The following ZNF626 variants were observed in gnomAD, a reference collection of about 807,000 sequenced individuals.
The protein encoded by ZNF626 is zinc finger protein 626.
A neutral mutation model predicts 11.7 loss-of-function variants in ZNF626; 4 were observed. The observed-to-expected ratio is 0.34, with a 90% confidence interval of 0.17 to 0.78. The LOEUF (loss-of-function observed/expected upper bound fraction) is 0.78, where lower values mean the gene tolerates loss of function less well. Ranked by LOEUF, ZNF626 falls within the 30% of genes least tolerant of loss-of-function variation. ZNF626 has a pLI of 0.57. For synonymous variants in ZNF626, 179 were observed against 198.6 expected, an observed-to-expected ratio of 0.90 and a Z score of 0.83; for missense variants, 588 against 587.1, an observed-to-expected ratio of 1.00 and a Z score of -0.01.
chr19:20,620,456 A>C lies in ZNF626; in HGVS notation c.*3834T>G, dbSNP rs1969744608. The C allele has an allele frequency of 1.3e-5, 2 of 152,216 alleles. No individual in the cohort carries two copies. 9.4% of individuals were successfully genotyped at this position (152,216 alleles called of 1,614,324 possible). On this transcript the variant is annotated 3_prime_UTR_variant, in exon 4 of 4. Coordinates refer to ENST00000601440, the MANE Select transcript of ZNF626 (RefSeq NM_001076675.3). The stretch of plus-strand genomic sequence containing the variant: ...GAGGAATATGTGTATATTTCACTCT[A>C]TGAAAATTAAAAGTCTTTACGTTTG...
chr19:20,646,299 T>C lies in ZNF626; in HGVS notation c.110A>G (p.Tyr37Cys). ...NLYRNVMLENYSNLVFLGITV... is the reference protein window; with the variant it reads ...NLYRNVMLENCSNLVFLGITV... ...CTCACCAAGGAAGACCAGGTTACTG[T>C]AGTTCTCTAACATCACATTCCTATA... Residue 37 changes from tyrosine (Y) to cysteine (C), a missense_variant, in exon 2 of 4, where the codon TAC (tyrosine) becomes TGC (cysteine). This residue lies in a region of ZNF626 where 524 missense variants were observed against 470.1 expected (regional missense o/e 1.11). Coordinates refer to ENST00000601440, the MANE Select transcript of ZNF626 (RefSeq NM_001076675.3). 5 of 1,614,036 alleles carry C rather than the reference T, an allele frequency of 3.1e-6. No homozygotes were observed. The East Asian group carries it at 6.7e-5, about 22-fold the overall frequency.
At chr19:20,658,349 C>G (rs1970227826) in intron 1 of ZNF626, among the ~76,000 whole-genome samples, 1 of 152,052 alleles carries the variant, frequency 6.6e-6, no homozygotes, top group African/African-American at 2.4e-5. Context: ...CTTTTGGGTT[C>G]TTGGCAAGAA....
intron 3 of ZNF626, among the ~76,000 whole-genome samples, chr19:20,640,634 A>G (rs1970014261): frequency 6.7e-6 from 1 of 149,372 alleles, no homozygotes; most frequent in African/African-American, 2.5e-5. Flanking sequence ...AAGGACACAG[A>G]AAATTACTAG....
chr19:20,656,074 A>G (rs1970202071), intron 1 of ZNF626, among the ~76,000 whole-genome samples: 1 of 152,138 alleles, frequency 6.6e-6, no homozygotes, highest in Admixed American at 6.6e-5. Context: ...AGAGAGAAAG[A>G]TATATGAAAT....
intron 3 of ZNF626, among the ~76,000 whole-genome samples, chr19:20,637,616 A>G (rs1969980505): frequency 6.6e-6 from 1 of 152,116 alleles, no homozygotes; most frequent in Non-Finnish European, 1.5e-5. Flanking sequence ...ATTAAAACAT[A>G]TTGTTTTAAC....
chr19:20,632,589 A>C (rs1283701990), intron 3 of ZNF626, among the ~76,000 whole-genome samples: 1 of 152,140 alleles, frequency 6.6e-6, no homozygotes, highest in Admixed American at 6.5e-5. Context: ...TCGGCTACAG[A>C]GGCTTCTGCA....
chr19:20,660,023 C>T (rs1337136507), intron 1 of ZNF626, among the ~76,000 whole-genome samples: 1 of 152,006 alleles, frequency 6.6e-6, no homozygotes, highest in Non-Finnish European at 1.5e-5. Flanking sequence ...AATGCCAGCA[C>T]TTTGGGAGGC....
rs542189840 is a variant in ZNF626, at chr19:20,632,497, T to C, written c.227-6847A>G. Among the ~76,000 whole-genome samples the C allele has an allele frequency of 1.0e-3, 157 of 152,304 alleles. 1 individual carries two copies. The highest frequency in any genetic ancestry group is 3.6e-3 in the African/African-American group (151 of 41,566). The stretch of plus-strand genomic sequence containing the variant: ...AGGCTTTGTTCGTTTCTTTTTATTC[T>C]TTTTTCTCTAAACTTCTCTTCTCGC... On this transcript the variant is annotated intron_variant, in intron 3 of 3. Coordinates refer to ENST00000601440, the MANE Select transcript of ZNF626 (RefSeq NM_001076675.3).
intron 3 of ZNF626, among the ~76,000 whole-genome samples, chr19:20,627,548 TA>T (rs1212490121): frequency 4.6e-5 from 7 of 151,844 alleles, no homozygotes; most frequent in East Asian, 1.9e-4. Context: ...AAGAATCAAA[TA>T]AAACAAATAA....
chr19:20,654,790 A>T (rs1453622082), intron 1 of ZNF626, among the ~76,000 whole-genome samples: 1 of 152,100 alleles, frequency 6.6e-6, no homozygotes, highest in Non-Finnish European at 1.5e-5. Context: ...TGATTAATTC[A>T]AAGTAAATAT....
At position 20,626,267 on chromosome 19, in the gene ZNF626, C is replaced by T. The variant is rs1969831180; in HGVS notation, c.227-617G>A. Among the ~76,000 whole-genome samples the T allele has an allele frequency of 3.3e-5, 5 of 151,982 alleles. 1 individual carries two copies. In the South Asian group the frequency reaches 1.0e-3, roughly 32 times the overall value. On this transcript the variant is annotated intron_variant, in intron 3 of 3. Coordinates refer to ENST00000601440, the MANE Select transcript of ZNF626 (RefSeq NM_001076675.3). ...GATTTCAGACTATGCCAGGACACAG[C>T]TACATTATAAAGATTGTAACAGGTA...
At chr19:20,625,780 A>G (rs11668824) in intron 3 of ZNF626, 130 bp from the exon 4 acceptor site, 62,379 of 969,248 alleles carry the variant, frequency 0.064, 2,985 homozygotes, top group East Asian at 0.24. Context: ...CACAAGCTGT[A>G]ATTTCTTCCT....
In ZNF626 at chr19:20,661,251, G is replaced by A. The variant is rs759023022; in HGVS notation, c.3+193C>T. Reference sequence around the variant, plus strand: ...TAGTCACCGCGCAGTGAAGAGACAAGACGCCCGGGTGCCGGCTGTCAGCGC... The same window carrying A: ...TAGTCACCGCGCAGTGAAGAGACAAAACGCCCGGGTGCCGGCTGTCAGCGC... On this transcript the variant is annotated intron_variant, in intron 1 of 3. Coordinates refer to ENST00000601440, the MANE Select transcript of ZNF626 (RefSeq NM_001076675.3). Among the ~76,000 whole-genome samples, 17 of 151,964 alleles carry A rather than the reference G, an allele frequency of 1.1e-4. 1 individual carries two copies. Among genetic ancestry groups the A allele is most frequent in the Non-Finnish European group, 1.3e-4 (9 of 67,976 alleles).
chr19:20,639,240 AC>A (rs1465623645), intron 3 of ZNF626, among the ~76,000 whole-genome samples: 1 of 152,170 alleles, frequency 6.6e-6, no homozygotes, highest in African/African-American at 2.4e-5. Context: ...TGTGACCCAA[AC>A]ATGTCCCACC....
Position 20,624,894 on chromosome 19 carries a change from A to T in ZNF626, c.983T>A (p.Leu328His). 3 of 1,613,708 alleles carry T rather than the reference A, an allele frequency of 1.9e-6. No homozygotes were observed. The highest frequency in any genetic ancestry group is 2.5e-6 in the Non-Finnish European group (3 of 1,179,940). Residue 328 changes from leucine to histidine, a missense_variant, in exon 4 of 4, where the codon CTT becomes CAT. Around this residue, in one of 4 missense-constraint regions of ZNF626, gnomAD observed 524 missense variants for 470.1 expected, o/e 1.11. Coordinates refer to ENST00000601440, the MANE Select transcript of ZNF626 (RefSeq NM_001076675.3). The part of the protein sequence containing the change: ...CDKAFKYSYT[L>H]TTHKRIHTED... ...AGTATGAATTCTTTTATGTGTAGTAAGGGTATAGGAGTACTTAAAGGCTTT... is the reference window on the plus strand; with the variant it reads ...AGTATGAATTCTTTTATGTGTAGTATGGGTATAGGAGTACTTAAAGGCTTT...
At chr19:20,651,210 A>G (rs996748911) in intron 1 of ZNF626, among the ~76,000 whole-genome samples, 2 of 151,554 alleles carry the variant, frequency 1.3e-5, no homozygotes, top group African/African-American at 4.9e-5. Context: ...AAAAGAAATT[A>G]TAACAACAAT....
At position 20,624,033 on chromosome 19, in the gene ZNF626, A is replaced by C. The variant is rs1181599151; in HGVS notation, c.*257T>G. The C allele has an allele frequency of 1.3e-5, 9 of 683,562 alleles. No homozygotes were observed. The East Asian group carries it at 2.2e-4, about 17-fold the overall frequency. The allele number at this position is 683,562 out of a possible 1,614,324, so 42.3% of individuals were successfully genotyped here. On this transcript the variant is annotated 3_prime_UTR_variant, in exon 4 of 4. Transcript: ENST00000601440. ...CACATTCACATGGTTTCTCTCCAGT[A>C]TGAATTATCTTATGTGCAGTAAGGT...
rs548455114 is a variant in ZNF626, at chr19:20,626,343, A to T, written c.227-693T>A. 2.0e-5 allele frequency among the ~76,000 whole-genome samples: 3 copies of T among 152,354 alleles called. No individual in the cohort carries two copies. The East Asian group carries it at 5.8e-4, about 29-fold the overall frequency. ...AAGATTACAATAAATACAAAATAGT[A>T]GAGCAACGTGATCCCATCAAAAAGT... On this transcript the variant is annotated intron_variant, in intron 3 of 3. Coordinates refer to ENST00000601440, the MANE Select transcript of ZNF626 (RefSeq NM_001076675.3).
chr19:20,625,374 G>T lies in ZNF626; in HGVS notation c.503C>A (p.Thr168Asn). Residue 168 changes from threonine (T) to asparagine (N), a missense_variant, in exon 4 of 4, where the codon ACT (threonine) becomes AAT (asparagine). Physicochemically the swap from Thr to Asn is moderately conservative, Grantham distance 65 (BLOSUM62 0). Around this residue, in one of 4 missense-constraint regions of ZNF626, gnomAD observed 524 missense variants for 470.1 expected, o/e 1.11. Coordinates refer to ENST00000601440, the MANE Select transcript of ZNF626 (RefSeq NM_001076675.3). ...TATATATTTGAAAGGTTTTTTCCCAGTATGTCCTCTCTTTTGTCCGTTTGA... is the reference window on the plus strand; with the variant it reads ...TATATATTTGAAAGGTTTTTTCCCATTATGTCCTCTCTTTTGTCCGTTTGA... ...PNSNGQKRGH[T>N]GKKPFKYIEC... 1 of 1,613,910 alleles carries T rather than the reference G, an allele frequency of 6.2e-7. No individual in the cohort carries two copies. The highest frequency in any genetic ancestry group is 8.5e-7 in the Non-Finnish European group (1 of 1,179,976).
Sources: gnomAD v4.1 joint callset for allele counts (sites outside exome capture counted in the v4.1 genomes callset) on GRCh38, gnomAD v4.1.1 for gene constraint, gnomAD v4.1.1 regional missense constraint, MANE v1.5 for transcripts, NCBI Gene and HGNC (gene_info 2026-07-23, HGNC 2026-07-21) for gene names.